Variants in DLEC1 observed in about 807,000 individuals in gnomAD.
DLEC1 encodes DLEC1 cilia and flagella associated protein.
DLEC1 carries 146 observed loss-of-function variants against 198.1 expected under a neutral mutation model. That is an observed-to-expected ratio of 0.74 (90% confidence interval 0.64 to 0.85). The LOEUF (loss-of-function observed/expected upper bound fraction) is 0.85. Among genes scored for constraint, DLEC1 ranks in the 40% least tolerant of loss-of-function variants. The pLI is 0.00. For synonymous variants in DLEC1, 897 were observed against 866.8 expected, an observed-to-expected ratio of 1.03 and a Z score of -0.61; for missense variants, 2,233 against 2,220.0, an observed-to-expected ratio of 1.01 and a Z score of -0.12.
chr3:38,071,761 C>T (rs967026070), intron 6 of DLEC1, among the ~76,000 whole-genome samples: 1 of 152,196 alleles, frequency 6.6e-6, no homozygotes, highest in Non-Finnish European at 1.5e-5. Flanking sequence ...ATTAAAGAGG[C>T]ATTAATGATG....
chr3:38,082,424 C>T (rs1374601973), intron 6 of DLEC1, among the ~76,000 whole-genome samples: 1 of 151,798 alleles, frequency 6.6e-6, no homozygotes, highest in Non-Finnish European at 1.5e-5. Flanking sequence ...AATCTCGGCA[C>T]TTTGGGAGGC....
At chr3:38,085,805 G>A (rs1225792927) in intron 8 of DLEC1, among the ~76,000 whole-genome samples, 6 of 152,144 alleles carry the variant, frequency 3.9e-5, no homozygotes, top group Admixed American at 2.0e-4. Flanking sequence ...CTAACAGGTC[G>A]TCGTTGTCCT....
chr3:38,063,991 A>ATTTTCT lies in DLEC1; in HGVS notation c.1173+77_1173+82dup. 3.3e-6 allele frequency: 3 copies of ATTTTCT among 906,284 alleles called. No homozygotes were observed. The South Asian group carries it at 6.7e-5, about 20-fold the overall frequency. 56.1% of individuals were successfully genotyped at this position (906,284 alleles called of 1,614,324 possible). On this transcript the variant is annotated intron_variant, in intron 6 of 36. Coordinates refer to ENST00000308059, the MANE Select transcript of DLEC1 (RefSeq NM_007335.4). ...TTTTTAAAAAGTCTTTATTATGGAAATTTTCTTTTTTTTTTCTTTTTTTTT... is the reference window on the plus strand; with the variant it reads ...TTTTTAAAAAGTCTTTATTATGGAAATTTTCTTTTTCTTTTTTTTTTCTTTTTTTTT...
In DLEC1 at chr3:38,111,687, C is replaced by T; in HGVS notation, c.3454C>T (p.Pro1152Ser). ...TCTCCACTTGTAAAGTCCCAACATG[C>T]CTCCTGCCCTGCTAAAGACAGTGCG... ...LSKKTSLPNM[P>S]PALLKTVRMQ... is the part of the protein sequence containing the mutation. The change falls in exon 24 of 37, where the codon CCT (proline) becomes TCT (serine). Residue 1152 changes from proline to serine, a missense_variant. Coordinates refer to ENST00000308059, the MANE Select transcript of DLEC1 (RefSeq NM_007335.4). 1.2e-6 allele frequency: 2 copies of T among 1,613,234 alleles called. No homozygotes were observed. Among genetic ancestry groups the T allele is most frequent in the Non-Finnish European group, 1.7e-6 (2 of 1,179,586 alleles).
chr3:38,106,392 T>C (rs902789641), intron 19 of DLEC1, among the ~76,000 whole-genome samples: 2 of 152,308 alleles, frequency 1.3e-5, no homozygotes, highest in South Asian at 2.1e-4. Context: ...GCTGGCATTT[T>C]TGGGGACAAG....
At position 38,111,707 on chromosome 3, in the gene DLEC1, A is replaced by G. The variant is rs1426902261; in HGVS notation, c.3474A>G (p.Thr1158=). 4 of 1,613,318 alleles carry G rather than the reference A, an allele frequency of 2.5e-6. No individual in the cohort carries two copies. Among genetic ancestry groups the G allele is most frequent in the Non-Finnish European group, 3.4e-6 (4 of 1,179,798 alleles). ...LPNMPPALLK[T]VRMQEHLAKR... ...ACATGCCTCCTGCCCTGCTAAAGAC[A>G]GTGCGGATGCAAGAGCACCTGGCCA... The change falls in exon 24 of 37, where the codon ACA becomes ACG. Residue 1158 remains threonine (T), a synonymous_variant. Transcript: ENST00000308059.
chr3:38,041,533 T>A (rs1700650786), intron 1 of DLEC1, among the ~76,000 whole-genome samples: 1 of 152,114 alleles, frequency 6.6e-6, no homozygotes, highest in Non-Finnish European at 1.5e-5. Context: ...CAGAAAAGTT[T>A]AAAGAGTGAT....
In DLEC1 at chr3:38,107,537, ACTT is replaced by A. The variant is rs770966713; in HGVS notation, c.2865-40_2865-38del. 5.4e-5 allele frequency: 80 copies of A among 1,494,684 alleles called. No individual in the cohort carries two copies. The African/African-American group carries it at 8.8e-4, about 16-fold the overall frequency. 92.6% of individuals were successfully genotyped at this position (1,494,684 alleles called of 1,614,324 possible). ...GTCATCTAGAAATAGGGACAGCTTT[ACTT>A]CTTCTTTTCTAATCAGTATGCCTTT... On this transcript the variant is annotated intron_variant, in intron 19 of 36. Transcript: ENST00000308059.
intron 1 of DLEC1, among the ~76,000 whole-genome samples, chr3:38,043,062 C>A (rs1461842290): frequency 6.6e-6 from 1 of 152,150 alleles, no homozygotes; most frequent in Non-Finnish European, 1.5e-5. Context: ...CCGTTGGCAG[C>A]TGATCTTCCC....
At chr3:38,059,639 T>G in intron 2 of DLEC1, 103 bp from the exon 3 acceptor site, 1 of 911,270 alleles carries the variant, frequency 1.1e-6, no homozygotes, top group Non-Finnish European at 1.7e-6. Context: ...AGAAGGAATT[T>G]TGTTAGATAG....
chr3:38,122,774 T>A lies in DLEC1; in HGVS notation c.*362T>A. The A allele has an allele frequency of 8.4e-7, 1 of 1,189,756 alleles. No homozygotes were observed. The highest frequency in any genetic ancestry group is 1.1e-6 in the Non-Finnish European group (1 of 884,568). The allele number at this position is 1,189,756 out of a possible 1,614,324, so 73.7% of individuals were successfully genotyped here. A position where few individuals can be genotyped will look rare whatever the true frequency, so the allele number is the denominator to read the frequency against. ...TCTCATCCATGGATTTGCCTTGCCT[T>A]AAGAATTAACCATGGCCTTGTGGCC... On this transcript the variant is annotated 3_prime_UTR_variant, in exon 37 of 37. Transcript: ENST00000308059.
intron 2 of DLEC1, among the ~76,000 whole-genome samples, chr3:38,050,786 C>T (rs1420711361): frequency 6.6e-6 from 1 of 152,134 alleles, no homozygotes; most frequent in African/African-American, 2.4e-5. Flanking sequence ...GTATTAAAAC[C>T]TTTAATATTT....
Position 38,100,460 on chromosome 3 carries a change from CTA to C in DLEC1, c.2864+37_2864+38del, listed in dbSNP as rs2125704553. The C allele has an allele frequency of 1.9e-6, 3 of 1,583,162 alleles. No homozygotes were observed. In the East Asian group the frequency reaches 6.8e-5, roughly 36 times the overall value. On this transcript the variant is annotated intron_variant, in intron 19 of 36. Transcript: ENST00000308059. The stretch of plus-strand genomic sequence containing the variant: ...CCGTGGGAAGAGCCACTACAACAAA[CTA>C]TGCATATTCGTGATGTATTTATCTA...
chr3:38,095,477 A>G, intron 13 of DLEC1: 1 of 304,586 alleles, frequency 3.3e-6, no homozygotes, highest in Non-Finnish European at 6.3e-6. Context: ...GGTAGGCTAG[A>G]AGGGAATTCG....
chr3:38,084,438 G>A (rs1698273738), intron 7 of DLEC1, among the ~76,000 whole-genome samples, 193 bp downstream of exon 7: 1 of 132,284 alleles, frequency 7.6e-6, no homozygotes, highest in South Asian at 2.3e-4. Context: ...AGTAGTAGTG[G>A]TGGTGGTGGT....
intron 6 of DLEC1, among the ~76,000 whole-genome samples, chr3:38,082,874 C>T (rs1262808858): frequency 6.6e-6 from 1 of 152,188 alleles, no homozygotes; most frequent in African/African-American, 2.4e-5. Context: ...GGTGAATGAT[C>T]AGAGAGGTGT....
chr3:38,080,636 G>C (rs986868587), intron 6 of DLEC1, among the ~76,000 whole-genome samples: 1 of 152,056 alleles, frequency 6.6e-6, no homozygotes, highest in Non-Finnish European at 1.5e-5. Context: ...AGAAAACAAG[G>C]CATTTAGGTT....
chr3:38,066,092 T>G (rs1020783077), intron 6 of DLEC1, among the ~76,000 whole-genome samples: 20 of 152,362 alleles, frequency 1.3e-4, no homozygotes, highest in African/African-American at 4.6e-4. Context: ...TGTGTATTTC[T>G]TATTGCAATC....
rs1253417544 is a variant in DLEC1, at chr3:38,114,354, CT to C, written c.3680del (p.Leu1227ArgfsTer19). 2 of 1,614,164 alleles carry C rather than the reference CT, an allele frequency of 1.2e-6. No homozygotes were observed. Among genetic ancestry groups the C allele is most frequent in the Non-Finnish European group, 1.7e-6 (2 of 1,180,004 alleles). On this transcript the variant is annotated frameshift_variant, in exon 26 of 37. Coordinates refer to ENST00000308059, the MANE Select transcript of DLEC1 (RefSeq NM_007335.4). LOFTEE classifies it high-confidence loss of function. ...GGTGTGTTTGCAGGTGGGAGACCTG[CT>C]GCCGGAAGTCATCCCAGTGCACATG... Reference protein sequence around the residue: ...DNLICTVGDLLPEVIPVHMAA... With the variant: ...DNLICTVGDLXPEVIPVHMAA...
Sources: allele counts gnomAD v4.1 joint callset (sites outside exome capture counted in the v4.1 genomes callset), GRCh38; gene constraint gnomAD v4.1.1; transcripts MANE v1.5; gene names NCBI Gene and HGNC (gene_info 2026-07-23, HGNC 2026-07-21).